SERPINA1: variants seen among roughly 807,000 people sequenced by gnomAD.
SERPINA1 encodes serpin family A member 1.
A neutral mutation model predicts 25.4 loss-of-function variants in SERPINA1; 21 were observed. The ratio of observed to expected loss-of-function variants is 0.83; its 90% confidence interval spans 0.59 to 1.19. The LOEUF is 1.19. SERPINA1 is among the 50% of genes most tolerant of loss of function. The pLI is 0.00. For synonymous variants in SERPINA1, 218 were observed against 211.1 expected (o/e 1.03, Z -0.29); for missense variants, 546 against 509.0 (o/e 1.07, Z -0.70).
rs138949742 is a variant in SERPINA1, at chr14:94,381,406, C to T, written c.647-265G>A. Among the ~76,000 whole-genome samples, 82 of 152,258 alleles carry T rather than the reference C, an allele frequency of 5.4e-4. 1 individual carries two copies. The highest frequency in any genetic ancestry group is 1.9e-3 in the African/African-American group (77 of 41,532). On this transcript the variant is annotated intron_variant, in intron 2 of 4. Transcript: ENST00000393087. ...GCGATGTCAGGCTAAGAGATGCCAT[C>T]GTGGCTGTGCATTTTTATTGGAATC...
Position 94,382,698 on chromosome 14 carries a change from CT to C in SERPINA1, c.539del (p.Gln180ArgfsTer30). 1 of 1,614,250 alleles carries C rather than the reference CT, an allele frequency of 6.2e-7. No individual in the cohort carries two copies. The highest frequency in any genetic ancestry group is 8.5e-7 in the Non-Finnish European group (1 of 1,180,052). On this transcript the variant is annotated frameshift_variant, in exon 2 of 5. Transcript: ENST00000393087. LOFTEE classifies it high-confidence loss of function. The stretch of plus-strand genomic sequence containing the variant: ...TACCCTTCTCCACGTAATCGTTGAT[CT>C]GTTTCTTGGCCTCTTCGGTGTCCCC... ...NFGDTEEAKKQINDYVEKGTQ... is the reference protein window; with the variant it reads ...NFGDTEEAKKXINDYVEKGTQ...
chr14:94,383,012 A>G lies in SERPINA1; in HGVS notation c.226T>C (p.Phe76Leu), dbSNP rs1458111327. Residue 76 changes from phenylalanine to leucine, a missense_variant, in exon 2 of 5, where the codon TTC (phenylalanine) becomes CTC (leucine). Coordinates refer to ENST00000393087, the MANE Select transcript of SERPINA1 (RefSeq NM_000295.5). ...AHQSNSTNIF[F>L]SPVSIATAFA... is the part of the protein sequence containing the mutation. ...GCTGTAGCGATGCTCACTGGGGAGAAGAAGATATTGGTGCTGTTGGACTGG... is the reference window on the plus strand; with the variant it reads ...GCTGTAGCGATGCTCACTGGGGAGAGGAAGATATTGGTGCTGTTGGACTGG... 1 of 1,610,416 alleles carries G rather than the reference A, an allele frequency of 6.2e-7. No individual in the cohort carries two copies. The highest frequency in any genetic ancestry group is 1.3e-5 in the African/African-American group (1 of 74,868).
chr14:94,384,077 C>T (rs1457729469), intron 1 of SERPINA1: 1 of 152,294 alleles, frequency 6.6e-6, no homozygotes, highest in African/African-American at 2.4e-5. Flanking sequence ...TGGGCTCTTG[C>T]TGTCAGGGGC....
Position 94,378,587 on chromosome 14 carries a change from C to G in SERPINA1, c.1119G>C (p.Gly373=). 6.2e-7 allele frequency: 1 copy of G among 1,614,010 alleles called. No homozygotes were observed. Among genetic ancestry groups the G allele is most frequent in the Non-Finnish European group, 8.5e-7 (1 of 1,179,982 alleles). Residue 373 remains glycine (G), a synonymous_variant, in exon 5 of 5, where the codon GGG becomes GGC. Transcript: ENST00000393087. ...TGGGTATGGCCTCTAAAAACATGGCCCCAGCAGCTTCAGTCCCTTTCTCGT... is the reference window on the plus strand; with the variant it reads ...TGGGTATGGCCTCTAAAAACATGGCGCCAGCAGCTTCAGTCCCTTTCTCGT... ...TIDEKGTEAA[G]AMFLEAIPMS...
chr14:94,386,958 C>T (rs1251826698), intron 1 of SERPINA1, among the ~76,000 whole-genome samples: 2 of 152,156 alleles, frequency 1.3e-5, no homozygotes, highest in African/African-American at 4.8e-5. Flanking sequence ...AAAAATTGAG[C>T]CCCAAAGAGC....
At chr14:94,379,404 C>T in intron 4 of SERPINA1, 60 bp downstream of exon 4, 2 of 1,605,146 alleles carry the variant, frequency 1.2e-6, no homozygotes, top group Non-Finnish European at 1.7e-6. Flanking sequence ...AGAGCTGCAG[C>T]CCCCACACAT....
intron 2 of SERPINA1, among the ~76,000 whole-genome samples, chr14:94,381,667 G>A (rs1482167098): frequency 1.3e-5 from 2 of 152,146 alleles, no homozygotes; most frequent in East Asian, 1.9e-4. Flanking sequence ...CTTCACCATC[G>A]AGGCATGCAG....
In SERPINA1 at chr14:94,379,455, T is replaced by C; in HGVS notation, c.1065+9A>G. On this transcript the variant is annotated intron_variant, in intron 4 of 4. Coordinates refer to ENST00000393087, the MANE Select transcript of SERPINA1 (RefSeq NM_000295.5). ...CCAGGGTGCAACAAGGTCGTCAGGG[T>C]GATCTCACCTTGGAGAGCTTCAGGG... 6.2e-7 allele frequency: 1 copy of C among 1,614,034 alleles called. No homozygotes were observed. The highest frequency in any genetic ancestry group is 1.1e-5 in the South Asian group (1 of 91,074).
chr14:94,379,687 GTTTTC>G (rs1896722056), intron 3 of SERPINA1, 76 bp from the exon 4 acceptor site: 19 of 1,601,154 alleles, frequency 1.2e-5, no homozygotes, highest in Admixed American at 3.3e-5. Context: ...CAGTGCAAGT[GTTTTC>G]TTTTCTGATT....
In SERPINA1 at chr14:94,381,149, G is replaced by A. The variant is rs950358984; in HGVS notation, c.647-8C>T. 1 of 1,610,494 alleles carries A rather than the reference G, an allele frequency of 6.2e-7. No individual in the cohort carries two copies. The highest frequency in any genetic ancestry group is 8.5e-7 in the Non-Finnish European group (1 of 1,179,884). ...AGGGTCTCTCCCATTTGCCTGGAGA[G>A]AGGGGAAGGTGGGCATCACCAGGGG... is the stretch of plus-strand genomic sequence containing the variant. On this transcript the variant is annotated splice_region_variant and splice_polypyrimidine_tract_variant and intron_variant, in intron 2 of 4. Transcript: ENST00000393087.
intron 1 of SERPINA1, chr14:94,383,446 G>A: frequency 1.7e-6 from 1 of 597,180 alleles, no homozygotes; most frequent in South Asian, 2.0e-5. Flanking sequence ...TGTTCTCCGT[G>A]CTCACATGTG....
upstream of SERPINA1, among the ~76,000 whole-genome samples, chr14:94,390,099 G>A (rs1304593359): frequency 3.3e-5 from 5 of 152,070 alleles, no homozygotes; most frequent in Non-Finnish European, 7.4e-5. Context: ...TTTCCTCCAG[G>A]CAGTCTCTCA....
chr14:94,387,416 G>A (rs915367921), intron 1 of SERPINA1, among the ~76,000 whole-genome samples: 4 of 152,220 alleles, frequency 2.6e-5, no homozygotes, highest in Admixed American at 6.5e-5. Flanking sequence ...GCGTTCTATA[G>A]GAAACTGGCC....
chr14:94,380,915 G>C lies in SERPINA1; in HGVS notation c.873C>G (p.Leu291=). 6.2e-7 allele frequency: 1 copy of C among 1,614,214 alleles called. No individual in the cohort carries two copies. The highest frequency in any genetic ancestry group is 8.5e-7 in the Non-Finnish European group (1 of 1,180,032). ...GGAACTTGGTGATGATATCGTGGGT[G>C]AGTTCATTTTCCAGGTGCTGTAGTT... The part of the protein sequence containing the change: ...EGKLQHLENE[L]THDIITKFLE... Residue 291 remains leucine (L), a synonymous_variant, in exon 3 of 5, where the codon CTC becomes CTG. Transcript: ENST00000393087.
Position 94,378,603 on chromosome 14 carries a change from C to T in SERPINA1, c.1103G>A (p.Gly368Glu), listed in dbSNP as rs551595739. ...HKAVLTIDEK[G>E]TEAAGAMFLE... is the part of the protein sequence containing the mutation. ...AAACATGGCCCCAGCAGCTTCAGTCCCTTTCTCGTCGATGGTCAGCACAGC... is the reference window on the plus strand; with the variant it reads ...AAACATGGCCCCAGCAGCTTCAGTCTCTTTCTCGTCGATGGTCAGCACAGC... The change falls in exon 5 of 5, where the codon GGG (glycine) becomes GAG (glutamate). Residue 368 changes from glycine (G) to glutamate (E), a missense_variant. Transcript: ENST00000393087. The T allele has an allele frequency of 6.2e-6, 10 of 1,614,150 alleles. No homozygotes were observed. The African/African-American group carries it at 1.3e-4, about 22-fold the overall frequency.
intron 1 of SERPINA1, among the ~76,000 whole-genome samples, chr14:94,385,492 C>T (rs1897230345): frequency 6.6e-6 from 1 of 152,356 alleles, no homozygotes; most frequent in Non-Finnish European, 1.5e-5. Context: ...CCACGCCTGG[C>T]TAATTTTTGT....
rs752267053 is a variant in SERPINA1 at position 94,379,551 on chromosome 14, G to A, written c.978C>T (p.Val326=). The change falls in exon 4 of 5, where the codon GTC becomes GTT. Residue 326 remains valine, a synonymous_variant. Transcript: ENST00000393087. ...SITGTYDLKS[V]LGQLGITKVF... ...CCTTAGTGATGCCCAGTTGACCCAGGACGCTCTTCAGATCATAGGTTCCAG... is the reference window on the plus strand; with the variant it reads ...CCTTAGTGATGCCCAGTTGACCCAGAACGCTCTTCAGATCATAGGTTCCAG... The A allele has an allele frequency of 1.1e-5, 17 of 1,614,116 alleles. No individual in the cohort carries two copies. Among genetic ancestry groups the A allele is most frequent in the Admixed American group, 1.7e-5 (1 of 60,008 alleles).
chr14:94,380,463 C>T lies in SERPINA1; in HGVS notation c.917+408G>A, dbSNP rs565098712. ...GGCCTTGCCACACAGGCTCTTCCCC[C>T]GTCCCCCCAGGGACATTCTACCCTT... is the stretch of plus-strand genomic sequence containing the variant. On this transcript the variant is annotated intron_variant, in intron 3 of 4. Coordinates refer to ENST00000393087, the MANE Select transcript of SERPINA1 (RefSeq NM_000295.5). 8.5e-5 allele frequency among the ~76,000 whole-genome samples: 13 copies of T among 152,328 alleles called. 1 individual carries two copies. The Middle Eastern group carries it at 0.014, about 159-fold the overall frequency.
intron 1 of SERPINA1, chr14:94,383,477 A>T: frequency 1.7e-6 from 1 of 581,344 alleles, no homozygotes; most frequent in South Asian, 2.2e-5. Context: ...GCTTTCTTGT[A>T]ACAATCCCGT....
Sources: gnomAD v4.1 joint callset for allele counts (sites outside exome capture counted in the v4.1 genomes callset) on GRCh38, gnomAD v4.1.1 for gene constraint, MANE v1.5 for transcripts, NCBI Gene and HGNC (gene_info 2026-07-23, HGNC 2026-07-21) for gene names.